ITSN2: variants seen among roughly 807,000 people sequenced by gnomAD.
ITSN2 encodes intersectin-2.
Under a neutral mutation model 243.7 loss-of-function variants are expected in ITSN2, and 156 were observed. That is an observed-to-expected ratio of 0.64 (90% CI 0.56 to 0.73). The LOEUF (loss-of-function observed/expected upper bound fraction) is 0.73, where lower values mean the gene tolerates loss of function less well. Among genes scored for constraint, ITSN2 ranks in the 30% least tolerant of loss-of-function variants. The pLI is 0.00. For synonymous variants in ITSN2, 703 were observed against 699.9 expected (o/e 1.00, Z -0.07); for missense variants, 1,801 against 1,996.1 (o/e 0.90, Z 1.86).
At chr2:24,244,278 C>T (rs534760128) in intron 29 of ITSN2, among the ~76,000 whole-genome samples, 1 of 152,192 alleles carries the variant, frequency 6.6e-6, no homozygotes, top group African/African-American at 2.4e-5. Flanking sequence ...CTGTTACTGC[C>T]TTGAAGTAGA....
chr2:24,312,425 A>C, intron 4 of ITSN2, 50 bp from the exon 5 acceptor site: 1 of 1,373,110 alleles, frequency 7.3e-7, no homozygotes. Context: ...GGTGGTGGGA[A>C]AACTAACGTT....
chr2:24,308,677 T>G lies in ITSN2; in HGVS notation c.733A>C (p.Arg245=). ...TSEWAVPQPT[R]LKYRQKFNTL... is the part of the protein sequence containing the mutation. The stretch of plus-strand genomic sequence containing the variant: ...TTAAATTTTTGCCGATATTTTAATC[T>G]TGTAGGCTGAGGAACTGCCCACTCT... Residue 245 remains arginine (R), a synonymous_variant, in exon 8 of 40, where the codon AGA becomes CGA. Coordinates refer to ENST00000355123, the MANE Select transcript of ITSN2 (RefSeq NM_006277.3). The G allele has an allele frequency of 6.5e-7, 1 of 1,536,482 alleles. No homozygotes were observed. The highest frequency in any genetic ancestry group is 1.3e-5 in the South Asian group (1 of 75,898).
intron 29 of ITSN2, among the ~76,000 whole-genome samples, chr2:24,223,535 A>G (rs76354586): frequency 6.6e-6 from 1 of 151,842 alleles, no homozygotes; most frequent in African/African-American, 2.4e-5. Context: ...AAAAAAAAAA[A>G]TTAGCCAGGC....
rs776812649 is a variant in ITSN2, at chr2:24,347,618, G to A, written c.-34+12686C>T. ...GGAAAATCGCTTGAACCCAGAAGGCGTAGGTTGCGGTGAGCTGAGATCGCA... is the reference window on the plus strand; with the variant it reads ...GGAAAATCGCTTGAACCCAGAAGGCATAGGTTGCGGTGAGCTGAGATCGCA... On this transcript the variant is annotated intron_variant, in intron 1 of 39. Coordinates refer to ENST00000355123, the MANE Select transcript of ITSN2 (RefSeq NM_006277.3). Among the ~76,000 whole-genome samples, 7 of 152,098 alleles carry A rather than the reference G, an allele frequency of 4.6e-5. No homozygotes were observed. In the East Asian group the frequency reaches 9.6e-4, roughly 21 times the overall value.
intron 7 of ITSN2, 26 bp from the exon 8 acceptor site, chr2:24,308,782 T>G: frequency 8.4e-7 from 1 of 1,187,242 alleles, no homozygotes; most frequent in South Asian, 2.6e-5. Context: ...TTTAAAATTT[T>G]TATGTTACTA....
At chr2:24,325,797 G>T (rs1347107256) in intron 2 of ITSN2, among the ~76,000 whole-genome samples, 1 of 152,066 alleles carries the variant, frequency 6.6e-6, no homozygotes, top group Non-Finnish European at 1.5e-5. Context: ...CATCTCACTT[G>T]CTGGCTCTTT....
rs1681311732 is a variant in ITSN2 at position 24,298,669 on chromosome 2, G to A, written c.1490C>T (p.Ala497Val). 6.3e-7 allele frequency: 1 copy of A among 1,598,736 alleles called. No individual in the cohort carries two copies. The highest frequency in any genetic ancestry group is 8.5e-7 in the Non-Finnish European group (1 of 1,175,634). Residue 497 changes from alanine to valine, a missense_variant, in exon 13 of 40, where the codon GCA becomes GTA. Around this residue, in one of 5 missense-constraint regions of ITSN2, gnomAD observed 787 missense variants for 803.9 expected, o/e 0.98. Coordinates refer to ENST00000355123, the MANE Select transcript of ITSN2 (RefSeq NM_006277.3). ...KKKNLHLELE[A>V]LNGKHQQISG... The stretch of plus-strand genomic sequence containing the variant: ...TCACTTAAACTTCAGCCATACCAGT[G>A]CTTCCAACTCAAGATGAAGATTCTT...
At chr2:24,284,367 T>C (rs1679201074) in intron 17 of ITSN2, among the ~76,000 whole-genome samples, 1 of 152,206 alleles carries the variant, frequency 6.6e-6, no homozygotes. Context: ...TTGCCCTAGA[T>C]TTCATAAAGT....
intron 34 of ITSN2, chr2:24,210,390 T>A (rs1013305357): frequency 1.7e-5 from 5 of 290,518 alleles, no homozygotes; most frequent in Non-Finnish European, 2.6e-5. Flanking sequence ...GGCGGGAGGA[T>A]CACTTGACGC....
intron 1 of ITSN2, among the ~76,000 whole-genome samples, chr2:24,337,648 C>CA (rs1553396158): frequency 8.5e-6 from 1 of 117,716 alleles, no homozygotes; most frequent in African/African-American, 3.1e-5. Context: ...CCACGCCTGG[C>CA]TTTTTTTTTT....
chr2:24,257,901 C>T lies in ITSN2; in HGVS notation c.2875G>A (p.Val959Ile), dbSNP rs1476691616. 1.2e-6 allele frequency: 2 copies of T among 1,613,380 alleles called. No homozygotes were observed. Among genetic ancestry groups the T allele is most frequent in the East Asian group, 2.2e-5 (1 of 44,872 alleles). The change falls in exon 23 of 40, where the codon GTA becomes ATA. Residue 959 changes from valine (V) to isoleucine (I), a missense_variant. Transcript: ENST00000355123. ...SYVKIIPGSE[V>I]KREEPEALYA... ...AAAGATGCTTACTCTTCCCGTTTTA[C>T]TTCACTCCCAGGAATGATCTTGACA...
At chr2:24,357,867 A>G in intron 1 of ITSN2, among the ~76,000 whole-genome samples, 1 of 152,202 alleles carries the variant, frequency 6.6e-6, no homozygotes, top group African/African-American at 2.4e-5. Flanking sequence ...ATGTACTTTC[A>G]CTCATTCACT....
Position 24,208,274 on chromosome 2 carries a change from G to C in ITSN2, c.4641C>G (p.Ile1547Met), listed in dbSNP as rs759346352. The C allele has an allele frequency of 1.2e-6, 2 of 1,611,796 alleles. No individual in the cohort carries two copies. Among genetic ancestry groups the C allele is most frequent in the Non-Finnish European group, 1.7e-6 (2 of 1,179,696 alleles). ...QKIKAASEQY[I>M]DTEKKKREKA... ...TCTCACGCTTCTTCTTCTCGGTGTC[G>C]ATGTACTGCTCAGACGCCGCCTTGA... Residue 1547 changes from isoleucine to methionine, a missense_variant, in exon 37 of 40, where the codon ATC becomes ATG. Ile to Met is a conservative substitution (Grantham distance 10). Around this residue, in one of 5 missense-constraint regions of ITSN2, gnomAD observed 928 missense variants for 1,065.4 expected, o/e 0.87. Transcript: ENST00000355123.
At chr2:24,287,650 C>A (rs767410935) in intron 15 of ITSN2, among the ~76,000 whole-genome samples, 2 of 152,068 alleles carry the variant, frequency 1.3e-5, no homozygotes, top group Non-Finnish European at 2.9e-5. Context: ...AATTTACATT[C>A]CTCCAACAGT....
chr2:24,317,392 A>G (rs1426747647), intron 2 of ITSN2, among the ~76,000 whole-genome samples: 1 of 152,124 alleles, frequency 6.6e-6, no homozygotes, highest in African/African-American at 2.4e-5. Flanking sequence ...TCTCAAAAAA[A>G]AAAAAAAAGC....
chr2:24,217,265 A>G (rs1573887435), intron 31 of ITSN2, among the ~76,000 whole-genome samples: 1 of 151,544 alleles, frequency 6.6e-6, no homozygotes, highest in Non-Finnish European at 1.5e-5. Flanking sequence ...AAAAAAATAC[A>G]CTTGGGTGTT....
At chr2:24,281,923 AG>A in intron 17 of ITSN2, among the ~76,000 whole-genome samples, 1 of 152,316 alleles carries the variant, frequency 6.6e-6, no homozygotes, top group East Asian at 1.9e-4. Context: ...TCCTCTACCC[AG>A]GAAGATTCTT....
At chr2:24,207,053 G>A (rs1417516480) in intron 37 of ITSN2, among the ~76,000 whole-genome samples, 1 of 152,168 alleles carries the variant, frequency 6.6e-6, no homozygotes, top group Non-Finnish European at 1.5e-5. Context: ...GGGGCTGGGT[G>A]GCAGGTAGTA....
At chr2:24,324,853 CAAAAAAAAAAAAAAA>C (rs10554094) in intron 2 of ITSN2, among the ~76,000 whole-genome samples, 1 of 59,288 alleles carries the variant, frequency 1.7e-5, no homozygotes, top group Non-Finnish European at 3.0e-5. Context: ...GACCCTGTCT[CAAAAAAAAAAAAAAA>C]AAAAAAAAAA....
Sources: gnomAD v4.1 joint callset for allele counts (sites outside exome capture counted in the v4.1 genomes callset) on GRCh38, gnomAD v4.1.1 for gene constraint, gnomAD v4.1.1 regional missense constraint, MANE v1.5 for transcripts, NCBI Gene and HGNC (gene_info 2026-07-23, HGNC 2026-07-21) for gene names.